The following IL10RB variants were observed in gnomAD, a reference collection of about 807,000 sequenced individuals.
IL10RB encodes interleukin-10 receptor subunit beta.
In IL10RB, 30 loss-of-function variants were observed where a neutral mutation model predicts 38.7. That is an observed-to-expected ratio of 0.78 (90% CI 0.58 to 1.05). The LOEUF (loss-of-function observed/expected upper bound fraction) is 1.05, where lower values mean the gene tolerates loss of function less well. Ranked by LOEUF, IL10RB falls within the 50% of genes least tolerant of loss-of-function variation. The pLI is 0.00. For synonymous variants in IL10RB, 142 were observed against 145.9 expected (o/e 0.97, Z 0.19); for missense variants, 328 against 397.1 (o/e 0.83, Z 1.48).
chr21:33,283,700 T>G (rs983938416), intron 5 of IL10RB, among the ~76,000 whole-genome samples: 1 of 152,218 alleles, frequency 6.6e-6, no homozygotes, highest in African/African-American at 2.4e-5. Context: ...CAGTGCTGCC[T>G]GATTCAGGGC....
intron 1 of IL10RB, among the ~76,000 whole-genome samples, chr21:33,267,640 C>T (rs531566085): frequency 9.9e-5 from 15 of 151,614 alleles, no homozygotes; most frequent in South Asian, 2.1e-4. Flanking sequence ...CTCAGCCTCC[C>T]GAGTAGCTGG....
exon 2 of IL10RB, chr21:33,309,220 A>T (rs1452238983): frequency 6.6e-6 from 1 of 152,250 alleles, no homozygotes; most frequent in Non-Finnish European, 1.5e-5. Flanking sequence ...TCATGGATGG[A>T]TCACCAATAA....
At chr21:33,289,147 G>A (rs989993049) in intron 6 of IL10RB, among the ~76,000 whole-genome samples, 1 of 152,210 alleles carries the variant, frequency 6.6e-6, no homozygotes, top group African/African-American at 2.4e-5. Flanking sequence ...CATTGGCCAT[G>A]CGCTGGATGT....
intron 5 of IL10RB, among the ~76,000 whole-genome samples, chr21:33,286,199 C>G (rs527825148): frequency 6.6e-6 from 1 of 152,362 alleles, no homozygotes; most frequent in South Asian, 2.1e-4. Context: ...GAGCCACGCA[C>G]TGTGACAAGC....
chr21:33,302,399 T>C (rs1397040737), intron 1 of IL10RB, among the ~76,000 whole-genome samples: 1 of 152,250 alleles, frequency 6.6e-6, no homozygotes, highest in African/African-American at 2.4e-5. Context: ...TGGGCCCCCT[T>C]GCGTTAACTT....
In IL10RB at chr21:33,268,471, C is replaced by A; in HGVS notation, c.127C>A (p.Pro43Thr). The change falls in exon 2 of 7, where the codon CCT (proline) becomes ACT (threonine). Residue 43 changes from proline to threonine, a missense_variant. Transcript: ENST00000290200. ...NFKNILQWES[P>T]AFAKGNLTFT... ...CAAGAACATTCTACAGTGGGAGTCACCTGCTTTTGCCAAAGGGAACCTGAC... is the reference window on the plus strand; with the variant it reads ...CAAGAACATTCTACAGTGGGAGTCAACTGCTTTTGCCAAAGGGAACCTGAC... 1 of 1,614,156 alleles carries A rather than the reference C, an allele frequency of 6.2e-7. No homozygotes were observed. The highest frequency in any genetic ancestry group is 8.5e-7 in the Non-Finnish European group (1 of 1,179,970).
intron 2 of IL10RB, among the ~76,000 whole-genome samples, chr21:33,274,728 G>A (rs552151881): frequency 1.1e-4 from 17 of 152,268 alleles, no homozygotes; most frequent in Admixed American, 5.2e-4. Flanking sequence ...CAGATGTGCC[G>A]TCCTCCAGGC....
rs2082968908 is a variant in IL10RB, at chr21:33,296,717, G to A, written c.*360G>A. The A allele has an allele frequency of 7.8e-6, 3 of 382,656 alleles. No homozygotes were observed. The highest frequency in any genetic ancestry group is 1.5e-5 in the Non-Finnish European group (3 of 194,442). 23.7% of individuals were successfully genotyped at this position (382,656 alleles called of 1,614,324 possible). A position where few individuals can be genotyped will look rare whatever the true frequency, so the allele number is the denominator to read the frequency against. On this transcript the variant is annotated 3_prime_UTR_variant, in exon 7 of 7. Coordinates refer to ENST00000290200, the MANE Select transcript of IL10RB (RefSeq NM_000628.5). ...TAATACCAGCACCTTAGAGGTCGAG[G>A]CAGGCGGATCACTTGAGGTCAGGAG...
intron 1 of IL10RB, chr21:33,308,435 G>A (rs1007764455): frequency 3.3e-5 from 5 of 152,192 alleles, no homozygotes; most frequent in African/African-American, 1.2e-4. Context: ...TATCTGAAAA[G>A]CATGAGATTG....
intron 3 of IL10RB, 55 bp downstream of exon 3, chr21:33,276,808 T>A: frequency 6.6e-7 from 1 of 1,512,292 alleles, no homozygotes; most frequent in Non-Finnish European, 9.2e-7. Flanking sequence ...CCTTGTTTTT[T>A]TCCACATTGG....
intron 1 of IL10RB, among the ~76,000 whole-genome samples, chr21:33,267,395 T>C (rs1988977367): frequency 6.6e-6 from 1 of 151,986 alleles, no homozygotes; most frequent in South Asian, 2.1e-4. Context: ...TTGGTACCAG[T>C]TGGGTGATGG....
chr21:33,297,530 G>A (rs1447218183), downstream of IL10RB, among the ~76,000 whole-genome samples: 1 of 152,100 alleles, frequency 6.6e-6, no homozygotes, highest in South Asian at 2.1e-4. Context: ...GAGCAAAAAA[G>A]GGAGTCTCCA....
At chr21:33,292,856 G>GT (rs1989516111) in intron 6 of IL10RB, among the ~76,000 whole-genome samples, 1 of 152,190 alleles carries the variant, frequency 6.6e-6, no homozygotes, top group South Asian at 2.1e-4. Context: ...CAGTCCTGAG[G>GT]TGTGCATAGG....
chr21:33,294,117 A>T (rs1339319253), intron 6 of IL10RB: 8 of 466,182 alleles, frequency 1.7e-5, no homozygotes, highest in South Asian at 1.3e-4. Flanking sequence ...TTGACCGTGG[A>T]GCCAGCCCCT....
At chr21:33,266,825 T>C (rs1601825403) in intron 1 of IL10RB, among the ~76,000 whole-genome samples, 3 of 152,188 alleles carry the variant, frequency 2.0e-5, no homozygotes, top group Admixed American at 2.0e-4. Context: ...CTAAATAAAG[T>C]AGCTTCCCCA....
At chr21:33,295,729 A>G (rs1466246183) in intron 6 of IL10RB, among the ~76,000 whole-genome samples, 1 of 151,864 alleles carries the variant, frequency 6.6e-6, no homozygotes, top group Admixed American at 6.6e-5. Flanking sequence ...CACTTGTAAA[A>G]AAATAAAATA....
At chr21:33,271,464 C>T (rs1012010521) in intron 2 of IL10RB, among the ~76,000 whole-genome samples, 6 of 152,192 alleles carry the variant, frequency 3.9e-5, no homozygotes, top group African/African-American at 1.4e-4. Context: ...CGCGGTGGCT[C>T]ATGCCCGTAA....
At chr21:33,307,637 T>C (rs1005525903) in intron 1 of IL10RB, among the ~76,000 whole-genome samples, 1 of 152,190 alleles carries the variant, frequency 6.6e-6, no homozygotes, top group African/African-American at 2.4e-5. Flanking sequence ...CACATCTGTC[T>C]CAGAGCCCGT....
chr21:33,288,103 G>A lies in IL10RB; in HGVS notation c.647-1G>A. 1 of 1,614,058 alleles carries A rather than the reference G, an allele frequency of 6.2e-7. No homozygotes were observed. Among genetic ancestry groups the A allele is most frequent in the South Asian group, 1.1e-5 (1 of 91,068 alleles). ...TGTAACATGCCCATTACCCCTGGCA[G>A]AAACGGTCCCCTCCTGGATGGTGGC... On this transcript the variant is annotated splice_acceptor_variant, in intron 5 of 6. Coordinates refer to ENST00000290200, the MANE Select transcript of IL10RB (RefSeq NM_000628.5). LOFTEE classifies it high-confidence loss of function.
Sources: gnomAD v4.1 joint callset for allele counts (sites outside exome capture counted in the v4.1 genomes callset) on GRCh38, gnomAD v4.1.1 for gene constraint, MANE v1.5 for transcripts, NCBI Gene and HGNC (gene_info 2026-07-23, HGNC 2026-07-21) for gene names.